The following NDRG1 variants were observed in gnomAD, a reference collection of about 807,000 sequenced individuals.
The protein encoded by NDRG1 is N-myc downstream regulated 1.
A neutral mutation model predicts 56.9 loss-of-function variants in NDRG1; 32 were observed. The ratio of observed to expected loss-of-function variants is 0.56; its 90% confidence interval spans 0.42 to 0.76. The LOEUF (loss-of-function observed/expected upper bound fraction) is 0.76. Among genes scored for constraint, NDRG1 ranks in the 30% least tolerant of loss-of-function variants. The probability of loss-of-function intolerance (pLI) is 0.00; values close to 1 mark genes in which losing one functional copy is unlikely to be tolerated. For synonymous variants in NDRG1, 211 were observed against 204.1 expected (o/e 1.03, Z -0.29); for missense variants, 507 against 545.7 (o/e 0.93, Z 0.71).
At chr8:133,287,090 A>C (rs1192325139) in intron 1 of NDRG1, among the ~76,000 whole-genome samples, 1 of 152,226 alleles carries the variant, frequency 6.6e-6, no homozygotes, top group East Asian at 1.9e-4. Context: ...CTGATGCCTC[A>C]ACCAAAAAAC....
At position 133,238,917 on chromosome 8, in the gene NDRG1, C is replaced by T. The variant is rs761869008; in HGVS notation, c.1146G>A (p.Gly382=). ...CCATGGACTTGGGCCCGGCGCTGTT[C>T]CCAGCAGCACCCGAGTTGGGGGTGA... ...LDITPNSGAA[G]NSAGPKSMEV... The change falls in exon 16 of 16, where the codon GGG becomes GGA. Residue 382 remains glycine (G), a synonymous_variant. Transcript: ENST00000323851. The T allele has an allele frequency of 1.9e-5, 30 of 1,562,006 alleles. No individual in the cohort carries two copies. In the East Asian group the frequency reaches 6.4e-4, roughly 33 times the overall value.
chr8:133,269,205 AC>A (rs927956280), intron 3 of NDRG1, among the ~76,000 whole-genome samples: 5 of 151,744 alleles, frequency 3.3e-5, no homozygotes, highest in Non-Finnish European at 5.9e-5. Flanking sequence ...CTCATGAGGG[AC>A]CCCCCAACTT....
intron 3 of NDRG1, among the ~76,000 whole-genome samples, chr8:133,270,646 C>A (rs1341114057): frequency 6.6e-6 from 1 of 152,136 alleles, no homozygotes; most frequent in Non-Finnish European, 1.5e-5. Context: ...GGCTATCCTA[C>A]CAATCTGAGG....
chr8:133,291,975 C>T (rs1328602731), intron 1 of NDRG1, among the ~76,000 whole-genome samples: 1 of 152,164 alleles, frequency 6.6e-6, no homozygotes. Context: ...TGTCAGGAAT[C>T]TCGTCAGGGC....
chr8:133,273,927 CA>C (rs1048300914), intron 3 of NDRG1, among the ~76,000 whole-genome samples: 1 of 152,090 alleles, frequency 6.6e-6, no homozygotes, highest in Admixed American at 6.5e-5. Context: ...AATCTGCAAA[CA>C]CAATTGCCTA....
At position 133,238,352 on chromosome 8, in the gene NDRG1, TC is replaced by T; in HGVS notation, c.*525del. 1 of 235,308 alleles carries T rather than the reference TC, an allele frequency of 4.2e-6. No individual in the cohort carries two copies. The highest frequency in any genetic ancestry group is 8.4e-6 in the Non-Finnish European group (1 of 119,684). The allele number at this position is 235,308 out of a possible 1,614,324, so 14.6% of individuals were successfully genotyped here. A position where few individuals can be genotyped will look rare whatever the true frequency, so the allele number is the denominator to read the frequency against. Reference sequence around the variant, plus strand: ...TAGCCTCGACATGAATCCCACCTTTTCCCCCTTCCTGTTTTGCCTGTTTAAA... The same window carrying T: ...TAGCCTCGACATGAATCCCACCTTTTCCCCTTCCTGTTTTGCCTGTTTAAA... On this transcript the variant is annotated 3_prime_UTR_variant, in exon 16 of 16. Transcript: ENST00000323851.
At chr8:133,288,316 C>G (rs1445139659) in intron 1 of NDRG1, 1 of 152,256 alleles carries the variant, frequency 6.6e-6, no homozygotes, top group East Asian at 1.9e-4. Flanking sequence ...TCACACTCTT[C>G]CTTCACTCCA....
chr8:133,265,950 C>T (rs1403930877), intron 3 of NDRG1, among the ~76,000 whole-genome samples: 1 of 152,272 alleles, frequency 6.6e-6, no homozygotes, highest in African/African-American at 2.4e-5. Flanking sequence ...GTGACCTCCC[C>T]TTTGAAGTGC....
At position 133,284,240 on chromosome 8, in the gene NDRG1, T is replaced by G. The variant is rs2130794843; in HGVS notation, c.63+9A>C. The G allele has an allele frequency of 1.9e-6, 3 of 1,613,944 alleles. No individual in the cohort carries two copies. Among genetic ancestry groups the G allele is most frequent in the Non-Finnish European group, 1.7e-6 (2 of 1,179,860 alleles). On this transcript the variant is annotated intron_variant, in intron 2 of 15. Coordinates refer to ENST00000323851, the MANE Select transcript of NDRG1 (RefSeq NM_006096.4). ...CTGTGATGGGGTAGCCAGGAAGATCTCCACTCACCTCCCCTTTCTCCACCA... is the reference window on the plus strand; with the variant it reads ...CTGTGATGGGGTAGCCAGGAAGATCGCCACTCACCTCCCCTTTCTCCACCA...
At chr8:133,283,908 G>T (rs1431812571) in intron 2 of NDRG1, among the ~76,000 whole-genome samples, 1 of 152,200 alleles carries the variant, frequency 6.6e-6, no homozygotes, top group Non-Finnish European at 1.5e-5. Context: ...AAAGCTGAGA[G>T]AACCTCTGGT....
At chr8:133,266,668 C>T (rs1856936803) in intron 3 of NDRG1, among the ~76,000 whole-genome samples, 1 of 152,250 alleles carries the variant, frequency 6.6e-6, no homozygotes. Context: ...ACCTCTGCTA[C>T]TTCTTACCCC....
chr8:133,239,635 C>G (rs1187552099), intron 15 of NDRG1: 1 of 180,910 alleles, frequency 5.5e-6, no homozygotes, highest in African/African-American at 2.3e-5. Flanking sequence ...CCCAAAGAAG[C>G]CTGTCAGCCC....
At chr8:133,266,816 G>C (rs901634001) in intron 3 of NDRG1, among the ~76,000 whole-genome samples, 1 of 152,242 alleles carries the variant, frequency 6.6e-6, no homozygotes, top group African/African-American at 2.4e-5. Flanking sequence ...GCCCCGGGGG[G>C]CTGCAGTTCC....
chr8:133,246,956 T>C (rs1855719041), intron 12 of NDRG1, among the ~76,000 whole-genome samples: 1 of 152,250 alleles, frequency 6.6e-6, no homozygotes, highest in Admixed American at 6.5e-5. Context: ...TTAGCCGAAA[T>C]GTAAACAGTA....
At chr8:133,257,275 A>ACATG (rs1360507116) in intron 7 of NDRG1, among the ~76,000 whole-genome samples, 25 of 147,788 alleles carry the variant, frequency 1.7e-4, no homozygotes, top group African/African-American at 6.0e-4. Context: ...CAGGATAAAC[A>ACATG]CATGCATACA....
At chr8:133,256,432 TC>T (rs1348117342) in intron 8 of NDRG1, among the ~76,000 whole-genome samples, 1 of 152,196 alleles carries the variant, frequency 6.6e-6, no homozygotes, top group Non-Finnish European at 1.5e-5. Flanking sequence ...GAAGTCTTGT[TC>T]TTCAAGATGC....
chr8:133,258,294 C>T (rs1045256335), intron 7 of NDRG1, 72 bp downstream of exon 7: 3 of 1,497,372 alleles, frequency 2.0e-6, no homozygotes, highest in Non-Finnish European at 1.8e-6. Flanking sequence ...GTTTTTGATG[C>T]TTTTCCAATG....
At chr8:133,296,576 C>A (rs977667045) in intron 1 of NDRG1, 5 of 456,024 alleles carry the variant, frequency 1.1e-5, no homozygotes, top group Admixed American at 2.4e-5. Context: ...CCGTTCCCGA[C>A]CCAGTCTGCA....
intron 11 of NDRG1, 59 bp downstream of exon 11, chr8:133,248,656 G>C: frequency 1.3e-6 from 2 of 1,596,156 alleles, no homozygotes; most frequent in East Asian, 2.2e-5. Flanking sequence ...TGCCAGCAAG[G>C]CCACCTTTAT....
Sources: gnomAD v4.1 joint callset for allele counts (sites outside exome capture counted in the v4.1 genomes callset) on GRCh38, gnomAD v4.1.1 for gene constraint, MANE v1.5 for transcripts, NCBI Gene and HGNC (gene_info 2026-07-23, HGNC 2026-07-21) for gene names.